ALK: variants seen among roughly 807,000 people sequenced by gnomAD.
The protein encoded by ALK is ALK tyrosine kinase receptor.
Under a neutral mutation model 163.1 loss-of-function variants are expected in ALK, and 74 were observed. The ratio of observed to expected loss-of-function variants is 0.45; its 90% CI spans 0.38 to 0.55. The LOEUF is 0.55. ALK is among the 20% of genes least tolerant of loss of function. The pLI is 0.00. For synonymous variants in ALK, 960 were observed against 843.2 expected, an observed-to-expected ratio of 1.14 and a Z score of -2.40; for missense variants, 2,063 against 2,105.3, an observed-to-expected ratio of 0.98 and a Z score of 0.39.
intron 1 of ALK, among the ~76,000 whole-genome samples, chr2:29,810,842 T>C (rs1299622513): frequency 1.3e-5 from 2 of 151,922 alleles, no homozygotes; most frequent in African/African-American, 4.8e-5. Context: ...GTATTTAAGG[T>C]TAAATGAAGT....
chr2:29,519,406 C>T (rs1200056852), intron 4 of ALK, among the ~76,000 whole-genome samples: 1 of 152,142 alleles, frequency 6.6e-6, no homozygotes, highest in Non-Finnish European at 1.5e-5. Context: ...GCCTTTAACC[C>T]ACAAACAGTC....
intron 9 of ALK, among the ~76,000 whole-genome samples, chr2:29,285,909 C>A (rs937151827): frequency 2.0e-5 from 3 of 152,048 alleles, no homozygotes; most frequent in Non-Finnish European, 4.4e-5. Flanking sequence ...AAACACCTGG[C>A]CTAATATTCA....
At chr2:29,744,376 C>T (rs1680149178) in intron 1 of ALK, among the ~76,000 whole-genome samples, 1 of 152,260 alleles carries the variant, frequency 6.6e-6, no homozygotes, top group Middle Eastern at 3.4e-3. Flanking sequence ...TGCTGTGTAG[C>T]AAACAACCCC....
intron 14 of ALK, 44 bp from the exon 15 acceptor site, chr2:29,232,492 T>C: frequency 1.2e-6 from 2 of 1,613,304 alleles, no homozygotes; most frequent in Non-Finnish European, 1.7e-6. Context: ...CGAGCTGTGC[T>C]TCCCCCTGGA....
At chr2:29,372,633 G>T (rs561934218) in intron 5 of ALK, among the ~76,000 whole-genome samples, 2 of 152,142 alleles carry the variant, frequency 1.3e-5, no homozygotes, top group East Asian at 3.9e-4. Context: ...CATTTCGCAC[G>T]TGAATTATCT....
intron 3 of ALK, among the ~76,000 whole-genome samples, chr2:29,598,067 A>G (rs6731411): frequency 0.76 from 115,843 of 152,206 alleles, 44,182 homozygotes; most frequent in African/African-American, 0.81. Context: ...TCACTCGGTC[A>G]CCCAGACTGG....
chr2:29,464,967 G>A (rs992440984), intron 4 of ALK, among the ~76,000 whole-genome samples: 8 of 152,198 alleles, frequency 5.3e-5, no homozygotes, highest in South Asian at 2.1e-4. Context: ...AATGTCAGTC[G>A]AATATATGTG....
At chr2:29,281,588 G>T (rs887150107) in intron 9 of ALK, among the ~76,000 whole-genome samples, 1 of 152,206 alleles carries the variant, frequency 6.6e-6, no homozygotes, top group African/African-American at 2.4e-5. Flanking sequence ...TCCAGCCGGT[G>T]GAGTTTGGAA....
intron 4 of ALK, among the ~76,000 whole-genome samples, chr2:29,386,402 G>T (rs1050012461): frequency 6.6e-6 from 1 of 152,174 alleles, no homozygotes; most frequent in Admixed American, 6.5e-5. Flanking sequence ...GACTGTCAAA[G>T]ATAGCAATAT....
At chr2:29,250,689 A>G (rs993077043) in intron 12 of ALK, among the ~76,000 whole-genome samples, 4 of 152,210 alleles carry the variant, frequency 2.6e-5, no homozygotes, top group African/African-American at 9.6e-5. Flanking sequence ...ACCAACAGTG[A>G]AGGCCCAGGA....
intron 4 of ALK, among the ~76,000 whole-genome samples, chr2:29,407,110 G>A (rs996855351): frequency 1.3e-5 from 2 of 152,152 alleles, no homozygotes; most frequent in African/African-American, 2.4e-5. Context: ...GTCCTGGACC[G>A]GTAGACCTGT....
chr2:29,477,711 T>C (rs1441796597), intron 4 of ALK, among the ~76,000 whole-genome samples: 1 of 151,936 alleles, frequency 6.6e-6, no homozygotes, highest in Admixed American at 6.6e-5. Context: ...GGCAGAGGGA[T>C]GGAGAGGGAT....
intron 3 of ALK, among the ~76,000 whole-genome samples, chr2:29,654,769 C>A (rs1677134788): frequency 6.6e-6 from 1 of 151,982 alleles, no homozygotes; most frequent in South Asian, 2.1e-4. Flanking sequence ...TATTTTTAGG[C>A]TTATTAGCTA....
At chr2:29,863,576 C>CA (rs1408756884) in intron 1 of ALK, among the ~76,000 whole-genome samples, 2 of 152,076 alleles carry the variant, frequency 1.3e-5, no homozygotes, top group Admixed American at 1.3e-4. Flanking sequence ...AATGAGATAT[C>CA]ACCCCATGCC....
chr2:29,722,898 A>G (rs1332931234), intron 1 of ALK, among the ~76,000 whole-genome samples: 1 of 152,122 alleles, frequency 6.6e-6, no homozygotes, highest in African/African-American at 2.4e-5. Context: ...TGCTTGGGCC[A>G]AAAACCAATG....
At chr2:29,540,670 T>C (rs973327770) in intron 3 of ALK, among the ~76,000 whole-genome samples, 5 of 151,956 alleles carry the variant, frequency 3.3e-5, no homozygotes, top group Non-Finnish European at 4.4e-5. Flanking sequence ...TTTTTGAGTT[T>C]TTATTATTTT....
chr2:29,917,044 A>G lies in ALK; in HGVS notation c.667+2949T>C, dbSNP rs543146359. ...CATTTCATGCATTATAAGGCCTCTC[A>G]GACATCTTTCTGTCCTCTCAGACAG... On this transcript the variant is annotated intron_variant, in intron 1 of 28. Coordinates refer to ENST00000389048, the MANE Select transcript of ALK (RefSeq NM_004304.5). Among the ~76,000 whole-genome samples the G allele has an allele frequency of 2.6e-5, 4 of 152,370 alleles. No homozygotes were observed. The South Asian group carries it at 8.3e-4, about 32-fold the overall frequency.
At chr2:29,760,658 G>T (rs1482890682) in intron 1 of ALK, among the ~76,000 whole-genome samples, 1 of 152,202 alleles carries the variant, frequency 6.6e-6, no homozygotes, top group Non-Finnish European at 1.5e-5. Flanking sequence ...CACAAGTTAT[G>T]CTGTCTGACT....
intron 22 of ALK, among the ~76,000 whole-genome samples, chr2:29,221,438 C>T (rs1669802054): frequency 6.6e-6 from 1 of 152,098 alleles, no homozygotes; most frequent in Non-Finnish European, 1.5e-5. Flanking sequence ...TGTGCATACA[C>T]ACATGTACAC....
Sources: allele counts gnomAD v4.1 joint callset (sites outside exome capture counted in the v4.1 genomes callset), GRCh38; gene constraint gnomAD v4.1.1; transcripts MANE v1.5; gene names NCBI Gene and HGNC (gene_info 2026-07-23, HGNC 2026-07-21).